The following DPP6 variants were observed in gnomAD, a reference collection of about 807,000 sequenced individuals.
DPP6 encodes the protein A-type potassium channel modulatory protein DPP6.
DPP6 carries 69 observed loss-of-function variants against 122.6 expected under a neutral mutation model. That is an observed-to-expected ratio of 0.56 (90% CI 0.46 to 0.69). The LOEUF (loss-of-function observed/expected upper bound fraction) is 0.69, where lower values mean the gene tolerates loss of function less well. DPP6 is among the 30% of genes least tolerant of loss of function. The pLI is 0.00. For missense variants in DPP6, 928 were observed against 1,116.9 expected (o/e 0.83, Z 2.41); for synonymous variants, 418 against 433.1 (o/e 0.97, Z 0.43).
intron 1 of DPP6, among the ~76,000 whole-genome samples, chr7:154,401,629 A>G (rs980458894): frequency 2.6e-5 from 4 of 152,242 alleles, no homozygotes; most frequent in East Asian, 1.9e-4. Context: ...CGTTAAACCT[A>G]AAACTATAAA....
At chr7:154,118,188 G>C (rs1272262603) in intron 1 of DPP6, among the ~76,000 whole-genome samples, 1 of 150,896 alleles carries the variant, frequency 6.6e-6, no homozygotes, top group Non-Finnish European at 1.5e-5. Context: ...TAGAGGCAGG[G>C]CACATTCAGA....
chr7:154,419,301 T>C (rs1397893939), intron 1 of DPP6, among the ~76,000 whole-genome samples: 3 of 152,126 alleles, frequency 2.0e-5, no homozygotes, highest in Admixed American at 6.6e-5. Context: ...AAATGAAGAG[T>C]AGAGGCTTAT....
At chr7:154,817,110 A>T (rs1435696702) in intron 16 of DPP6, among the ~76,000 whole-genome samples, 1 of 152,186 alleles carries the variant, frequency 6.6e-6, no homozygotes, top group Admixed American at 6.6e-5. Flanking sequence ...GGAAATGTCC[A>T]CGAAGGTGCC....
intron 1 of DPP6, among the ~76,000 whole-genome samples, chr7:154,174,487 C>G (rs1797695394): frequency 6.6e-6 from 1 of 152,148 alleles, no homozygotes; most frequent in Non-Finnish European, 1.5e-5. Flanking sequence ...GAAATAAATC[C>G]TTGGAATTGA....
chr7:154,501,667 C>T (rs1048859478), intron 3 of DPP6, among the ~76,000 whole-genome samples: 1 of 152,220 alleles, frequency 6.6e-6, no homozygotes, highest in Non-Finnish European at 1.5e-5. Flanking sequence ...TATGGAAACA[C>T]CTGGATGCCC....
chr7:154,638,018 G>A, intron 6 of DPP6, 145 bp downstream of exon 6: 3 of 867,352 alleles, frequency 3.5e-6, no homozygotes, highest in Non-Finnish European at 5.3e-6. Context: ...GCACCTCTGG[G>A]ACTCTCCCTA....
At chr7:153,991,226 A>G (rs1485148477) in intron 1 of DPP6, among the ~76,000 whole-genome samples, 2 of 152,122 alleles carry the variant, frequency 1.3e-5, no homozygotes, top group Non-Finnish European at 2.9e-5. Context: ...GGGCATTGCC[A>G]TGACTCTGGC....
intron 17 of DPP6, among the ~76,000 whole-genome samples, chr7:154,856,113 G>C (rs1164747173): frequency 6.6e-6 from 1 of 152,144 alleles, no homozygotes; most frequent in African/African-American, 2.4e-5. Flanking sequence ...AAATTTAAAA[G>C]TTTTTTCTAA....
At chr7:154,275,050 G>T (rs1424436365) in intron 1 of DPP6, among the ~76,000 whole-genome samples, 1 of 152,234 alleles carries the variant, frequency 6.6e-6, no homozygotes, top group Non-Finnish European at 1.5e-5. Flanking sequence ...GCACTGTCAT[G>T]CTCAGGGCAG....
chr7:154,534,101 T>G (rs1389481447), intron 3 of DPP6, among the ~76,000 whole-genome samples: 1 of 152,112 alleles, frequency 6.6e-6, no homozygotes, highest in East Asian at 1.9e-4. Context: ...TCAATGAACA[T>G]AGCTCACTGT....
At chr7:154,846,126 G>T (rs940048203) in intron 16 of DPP6, among the ~76,000 whole-genome samples, 4 of 151,816 alleles carry the variant, frequency 2.6e-5, no homozygotes, top group African/African-American at 9.7e-5. Context: ...TTTTAGTTAT[G>T]CAAATTATTT....
chr7:154,429,966 A>T (rs1432635916), intron 1 of DPP6, among the ~76,000 whole-genome samples: 1 of 152,164 alleles, frequency 6.6e-6, no homozygotes, highest in Non-Finnish European at 1.5e-5. Flanking sequence ...AATACAGGCC[A>T]TCCTTCCTGA....
At chr7:154,490,015 G>C (rs1824138828) in intron 3 of DPP6, among the ~76,000 whole-genome samples, 1 of 152,166 alleles carries the variant, frequency 6.6e-6, no homozygotes, top group South Asian at 2.1e-4. Context: ...ATAAACCTCG[G>C]AAGTTCAAAG....
rs71203907 is a variant in DPP6, at chr7:154,122,368, C to A, written c.243+69305C>A. 1.9e-3 allele frequency among the ~76,000 whole-genome samples: 296 copies of A among 152,120 alleles called. 2 individuals are homozygous for A. The highest frequency in any genetic ancestry group is 6.9e-3 in the African/African-American group (287 of 41,460). ...AAAAATCACACTGGAAAGAGAACCA[C>A]ATATAGTCAAGGAAAGAAGAAGTGG... On this transcript the variant is annotated intron_variant, in intron 1 of 25. Coordinates refer to ENST00000377770, the MANE Select transcript of DPP6 (RefSeq NM_130797.4).
At chr7:154,363,418 C>T (rs1811898994) in intron 1 of DPP6, among the ~76,000 whole-genome samples, 1 of 152,136 alleles carries the variant, frequency 6.6e-6, no homozygotes, top group African/African-American at 2.4e-5. Context: ...CTGAAGAAAG[C>T]AGCTGAATAA....
At chr7:154,756,438 C>T (rs762176714) in intron 8 of DPP6, among the ~76,000 whole-genome samples, 38 of 152,134 alleles carry the variant, frequency 2.5e-4, no homozygotes, top group Admixed American at 7.9e-4. Flanking sequence ...GACGATTTTA[C>T]GGATAATAGT....
intron 5 of DPP6, among the ~76,000 whole-genome samples, chr7:154,634,591 C>T (rs537660060): frequency 1.8e-4 from 27 of 152,178 alleles, no homozygotes; most frequent in Admixed American, 4.6e-4. Context: ...TCTTGCCTAA[C>T]GGTACAGACG....
intron 3 of DPP6, among the ~76,000 whole-genome samples, chr7:154,487,778 GCTAGGGT>G (rs1411324776): frequency 6.6e-6 from 1 of 152,200 alleles, no homozygotes; most frequent in Non-Finnish European, 1.5e-5. Flanking sequence ...ATGGTAACCT[GCTAGGGT>G]CTAATTAATT....
intron 1 of DPP6, among the ~76,000 whole-genome samples, chr7:153,902,034 C>T (rs1050800153): frequency 6.6e-6 from 1 of 152,178 alleles, no homozygotes; most frequent in African/African-American, 2.4e-5. Context: ...AAAACAAAAT[C>T]TTCTTCCAAC....
Sources: gnomAD v4.1 joint callset for allele counts (sites outside exome capture counted in the v4.1 genomes callset) on GRCh38, gnomAD v4.1.1 for gene constraint, MANE v1.5 for transcripts, NCBI Gene and HGNC (gene_info 2026-07-23, HGNC 2026-07-21) for gene names.